SLCO3A1: variants seen among roughly 807,000 people sequenced by gnomAD.
The protein encoded by SLCO3A1 is solute carrier organic anion transporter family member 3A1.
SLCO3A1 carries 27 observed loss-of-function variants against 63.1 expected under a neutral mutation model. That is an observed-to-expected ratio of 0.43 (90% CI 0.32 to 0.59). SLCO3A1 has a LOEUF of 0.59. Among genes scored for constraint, SLCO3A1 ranks in the 20% least tolerant of loss-of-function variants. The probability of loss-of-function intolerance (pLI) is 0.09; values close to 1 mark genes in which losing one functional copy is unlikely to be tolerated. For missense variants in SLCO3A1, 773 were observed against 945.8 expected (o/e 0.82, Z 2.40); for synonymous variants, 473 against 409.9 (o/e 1.15, Z -1.86).
intron 1 of SLCO3A1, among the ~76,000 whole-genome samples, chr15:91,914,384 T>G (rs1207335108): frequency 1.3e-5 from 2 of 151,902 alleles, no homozygotes; most frequent in African/African-American, 4.8e-5. Context: ...GCTGGGAGAG[T>G]TTGAGTAACA....
intron 1 of SLCO3A1, among the ~76,000 whole-genome samples, chr15:91,903,942 G>T (rs1379735559): frequency 6.6e-6 from 1 of 151,018 alleles, no homozygotes; most frequent in Admixed American, 6.6e-5. Flanking sequence ...AGAGGGCAGG[G>T]GTGGAGCCGG....
chr15:92,152,955 A>G (rs971477837), intron 9 of SLCO3A1, among the ~76,000 whole-genome samples: 2 of 152,202 alleles, frequency 1.3e-5, no homozygotes, highest in African/African-American at 2.4e-5. Flanking sequence ...CATTTTTTTG[A>G]TAGCACAAGA....
intron 4 of SLCO3A1, among the ~76,000 whole-genome samples, chr15:92,106,138 A>T (rs1200654851): frequency 6.6e-6 from 1 of 152,232 alleles, no homozygotes; most frequent in African/African-American, 2.4e-5. Context: ...TCCATGAGAA[A>T]TCTCAAGAAC....
intron 2 of SLCO3A1, among the ~76,000 whole-genome samples, chr15:92,044,151 A>C (rs1407769371): frequency 6.6e-6 from 1 of 151,836 alleles, no homozygotes; most frequent in East Asian, 1.9e-4. Flanking sequence ...CATCTCCACC[A>C]TGACCTTCCC....
At chr15:92,168,406 T>C (rs1596164670), downstream of SLCO3A1, among the ~76,000 whole-genome samples, 1 of 152,316 alleles carries the variant, frequency 6.6e-6, no homozygotes, top group East Asian at 1.9e-4. Context: ...GGGCCTGCAG[T>C]CTGTGTTGCA....
chr15:91,944,770 G>A (rs1899744616), intron 2 of SLCO3A1, among the ~76,000 whole-genome samples: 1 of 152,056 alleles, frequency 6.6e-6, no homozygotes, highest in Non-Finnish European at 1.5e-5. Context: ...TTTCTTCCCT[G>A]CAGAACTGAT....
intron 2 of SLCO3A1, among the ~76,000 whole-genome samples, chr15:92,073,114 G>C (rs2047236389): frequency 6.6e-6 from 1 of 152,108 alleles, no homozygotes; most frequent in Non-Finnish European, 1.5e-5. Flanking sequence ...TTTTAGCAGA[G>C]AGAGCTTGGG....
chr15:92,149,579 C>G (rs1034825349), intron 8 of SLCO3A1: 40 of 152,240 alleles, frequency 2.6e-4, no homozygotes, highest in African/African-American at 9.6e-4. Context: ...GCAGTGTTCT[C>G]AAGGTCACCC....
chr15:92,016,668 T>G (rs2046441716), intron 2 of SLCO3A1, among the ~76,000 whole-genome samples: 1 of 151,882 alleles, frequency 6.6e-6, no homozygotes. Context: ...GACTGTGAAA[T>G]GGAGGAGAGA....
At chr15:91,857,193 C>A (rs1896946773) in intron 1 of SLCO3A1, among the ~76,000 whole-genome samples, 1 of 151,852 alleles carries the variant, frequency 6.6e-6, no homozygotes, top group Non-Finnish European at 1.5e-5. Flanking sequence ...GTATATAAGG[C>A]CATCAATTGT....
intron 2 of SLCO3A1, among the ~76,000 whole-genome samples, chr15:92,026,799 T>C (rs1033853811): frequency 2.6e-5 from 4 of 152,186 alleles, no homozygotes; most frequent in African/African-American, 9.6e-5. Flanking sequence ...ATGTCTAGCA[T>C]AGATTATGGC....
intron 2 of SLCO3A1, among the ~76,000 whole-genome samples, chr15:92,060,666 A>AT: frequency 6.6e-6 from 1 of 151,912 alleles, no homozygotes; most frequent in Non-Finnish European, 1.5e-5. Flanking sequence ...TGCCTGGCTA[A>AT]TTTTTTGTAT....
At chr15:92,136,500 G>A (rs989768575) in intron 7 of SLCO3A1, among the ~76,000 whole-genome samples, 2 of 152,118 alleles carry the variant, frequency 1.3e-5, no homozygotes, top group African/African-American at 2.4e-5. Flanking sequence ...TTCTATTTTT[G>A]TGGTCTCTAG....
At chr15:91,975,062 T>C (rs1901046444) in intron 2 of SLCO3A1, among the ~76,000 whole-genome samples, 2 of 152,164 alleles carry the variant, frequency 1.3e-5, no homozygotes, top group Admixed American at 1.3e-4. Context: ...AGGTGTTTTA[T>C]GAGATTAAAT....
intron 2 of SLCO3A1, among the ~76,000 whole-genome samples, chr15:91,951,558 CTTTTTTTTT>C (rs527858153): frequency 7.2e-6 from 1 of 138,106 alleles, no homozygotes; most frequent in Non-Finnish European, 1.6e-5. Flanking sequence ...TTTTTCTTTT[CTTTTTTTTT>C]TTTTTTGAGA....
intron 2 of SLCO3A1, among the ~76,000 whole-genome samples, chr15:91,931,034 A>G (rs1167914469): frequency 6.6e-6 from 1 of 152,248 alleles, no homozygotes; most frequent in African/African-American, 2.4e-5. Flanking sequence ...GCTGATACAT[A>G]TGCATTTATA....
chr15:91,931,601 G>C (rs1241686692), intron 2 of SLCO3A1, among the ~76,000 whole-genome samples: 1 of 151,884 alleles, frequency 6.6e-6, no homozygotes, highest in Non-Finnish European at 1.5e-5. Context: ...CTCCCAAGTA[G>C]CTGGGACTAC....
chr15:92,154,941 A>C (rs1482287834), intron 9 of SLCO3A1, among the ~76,000 whole-genome samples: 1 of 152,220 alleles, frequency 6.6e-6, no homozygotes, highest in Non-Finnish European at 1.5e-5. Context: ...TCTGACTTCG[A>C]GATTATGGAA....
chr15:91,925,484 T>TTG (rs1381244086), intron 2 of SLCO3A1, among the ~76,000 whole-genome samples: 32 of 151,966 alleles, frequency 2.1e-4, no homozygotes, highest in African/African-American at 7.7e-4. Flanking sequence ...TGTTTTTTTT[T>TTG]TTTTTTTTTA....
Sources: gnomAD v4.1 joint callset for allele counts (sites outside exome capture counted in the v4.1 genomes callset) on GRCh38, gnomAD v4.1.1 for gene constraint, MANE v1.5 for transcripts, NCBI Gene and HGNC (gene_info 2026-07-23, HGNC 2026-07-21) for gene names.